The following KRT72 variants were observed in gnomAD, a reference collection of about 807,000 sequenced individuals.
The protein encoded by KRT72 is keratin, type II cytoskeletal 72.
KRT72 carries 44 observed loss-of-function variants against 44.7 expected under a neutral mutation model. The ratio of observed to expected loss-of-function variants is 0.98; its 90% confidence interval spans 0.77 to 1.27. The LOEUF (loss-of-function observed/expected upper bound fraction) is 1.27, where lower values mean the gene tolerates loss of function less well. Among genes scored for constraint, KRT72 ranks in the 50% most tolerant of loss-of-function variants. KRT72 has a pLI of 0.00. For missense variants in KRT72, 736 were observed against 667.1 expected, an observed-to-expected ratio of 1.10 and a Z score of -1.14; for synonymous variants, 302 against 280.4, an observed-to-expected ratio of 1.08 and a Z score of -0.77.
At chr12:52,589,220 A>G (rs1939900948) in intron 6 of KRT72, among the ~76,000 whole-genome samples, 1 of 152,130 alleles carries the variant, frequency 6.6e-6, no homozygotes, top group Non-Finnish European at 1.5e-5. Flanking sequence ...CACCAAGGAA[A>G]GCAGCTGATC....
chr12:52,594,077 A>G (rs1346589306), intron 2 of KRT72, among the ~76,000 whole-genome samples: 3 of 152,194 alleles, frequency 2.0e-5, no homozygotes, highest in Non-Finnish European at 4.4e-5. Flanking sequence ...TGAAAAAAAG[A>G]ATTAAGGCTA....
intron 1 of KRT72, among the ~76,000 whole-genome samples, chr12:52,600,729 T>C (rs1189293866): frequency 1.6e-5 from 1 of 63,884 alleles, no homozygotes; most frequent in Non-Finnish European, 4.0e-5. Context: ...ATGAAACCTC[T>C]TTTTTTTTTT....
At chr12:52,593,074 G>T in intron 2 of KRT72, 122 bp from the exon 3 acceptor site, 3 of 767,784 alleles carry the variant, frequency 3.9e-6, no homozygotes, top group East Asian at 2.8e-5. Context: ...CATACCCCTG[G>T]GGCACACATA....
chr12:52,600,700 A>G (rs1940403589), intron 1 of KRT72, among the ~76,000 whole-genome samples: 2 of 150,570 alleles, frequency 1.3e-5, no homozygotes, highest in South Asian at 4.2e-4. Context: ...CTCCCCAGCC[A>G]TGGAGAACTG....
chr12:52,591,715 G>T, intron 4 of KRT72, 87 bp from the exon 5 acceptor site: 3 of 1,306,884 alleles, frequency 2.3e-6, no homozygotes, highest in African/African-American at 1.5e-5. Context: ...ATTCCTCACT[G>T]TCCCTCTGCC....
At position 52,592,433 on chromosome 12, in the gene KRT72, G is replaced by C. The variant is rs781191778; in HGVS notation, c.761C>G (p.Thr254Arg). The change falls in exon 4 of 9, where the codon ACA becomes AGA. Residue 254 changes from threonine to arginine, a missense_variant. By Grantham distance (71) the Thr-to-Arg change is moderately conservative. Transcript: ENST00000293745. The part of the protein sequence containing the change: ...VELQAKVDSL[T>R]DEIKFFKCLY... ...GCACTTGAAGAATTTAATCTCATCT[G>C]TCAAGGAGTCCACCTTGGCCTGGAG... The C allele has an allele frequency of 6.2e-7, 1 of 1,613,930 alleles. No homozygotes were observed. The highest frequency in any genetic ancestry group is 1.7e-5 in the Admixed American group (1 of 60,012).
chr12:52,585,767 C>A lies in KRT72; in HGVS notation c.*215G>T, dbSNP rs373611213. The A allele has an allele frequency of 1.1e-5, 6 of 537,816 alleles. No homozygotes were observed. The highest frequency in any genetic ancestry group is 2.0e-5 in the Non-Finnish European group (6 of 302,342). 33.3% of individuals were successfully genotyped at this position (537,816 alleles called of 1,614,324 possible). ...CTTTGCATTTCAGGCAATGACCCAA[C>A]GAAACGGGACCAAGAAGGAGGCCAC... On this transcript the variant is annotated 3_prime_UTR_variant, in exon 9 of 9. Coordinates refer to ENST00000293745, the MANE Select transcript of KRT72 (RefSeq NM_080747.3).
At position 52,587,170 on chromosome 12, in the gene KRT72, A is replaced by C. The variant is rs143531771; in HGVS notation, c.1311-190T>G. Among the ~76,000 whole-genome samples, 452 of 152,140 alleles carry C rather than the reference A, an allele frequency of 3.0e-3. 2 individuals are homozygous for C. The highest frequency in any genetic ancestry group is 0.011 in the African/African-American group (437 of 41,484). On this transcript the variant is annotated intron_variant, in intron 7 of 8. Coordinates refer to ENST00000293745, the MANE Select transcript of KRT72 (RefSeq NM_080747.3). ...GAAAACTGAGATGAAAATCTGCTGC[A>C]AGGAGTCAGCCCTCCATCAAGACCC...
intron 6 of KRT72, among the ~76,000 whole-genome samples, chr12:52,589,164 G>A (rs1428568104): frequency 6.6e-6 from 1 of 152,112 alleles, no homozygotes; most frequent in Non-Finnish European, 1.5e-5. Flanking sequence ...GGGAGCTGAG[G>A]TTTTCTTTCT....
chr12:52,598,577 G>A (rs1316722792), intron 2 of KRT72, among the ~76,000 whole-genome samples: 1 of 152,060 alleles, frequency 6.6e-6, no homozygotes, highest in African/African-American at 2.4e-5. Context: ...GGAATTGGTG[G>A]GGTGTCTTAC....
intron 7 of KRT72, among the ~76,000 whole-genome samples, 194 bp from the exon 8 acceptor site, chr12:52,587,174 A>G (rs1939795076): frequency 6.6e-6 from 1 of 151,938 alleles, no homozygotes; most frequent in Admixed American, 6.6e-5. Flanking sequence ...TGCTGCAAGG[A>G]GTCAGCCCTC....
Position 52,592,475 on chromosome 12 carries a change from T to C in KRT72, c.719A>G (p.Tyr240Cys), listed in dbSNP as rs761427108. Residue 240 changes from tyrosine (Y) to cysteine (C), a missense_variant, in exon 4 of 9, where the codon TAC becomes TGC. Physicochemically the swap from Tyr to Cys is radical, Grantham distance 194. Coordinates refer to ENST00000293745, the MANE Select transcript of KRT72 (RefSeq NM_080747.3). ...VVLKKDVDAA[Y>C]MNKVELQAKV... ...GGCCTGGAGCTCAACCTTATTCATG[T>C]AAGCAGCATCCACGTCCTGGGAGCA... 1.9e-6 allele frequency: 3 copies of C among 1,614,068 alleles called. No individual in the cohort carries two copies. In the Admixed American group the frequency reaches 5.0e-5, roughly 27 times the overall value.
At chr12:52,587,059 G>A (rs1939787355) in intron 7 of KRT72, 79 bp from the exon 8 acceptor site, 2 of 1,336,466 alleles carry the variant, frequency 1.5e-6, no homozygotes, top group Non-Finnish European at 1.1e-6. Flanking sequence ...CTGTGAATAA[G>A]CCTCTCCACG....
At chr12:52,599,923 T>TA (rs11446006) in intron 1 of KRT72, among the ~76,000 whole-genome samples, 120,641 of 151,536 alleles carry the variant, frequency 0.8, 48,849 homozygotes, top group African/African-American at 0.95. Flanking sequence ...GGGTTGTGAT[T>TA]GTAAATGAGA....
chr12:52,596,417 A>AT (rs200796522), intron 2 of KRT72, among the ~76,000 whole-genome samples: 836 of 152,162 alleles, frequency 5.5e-3, no homozygotes, highest in Non-Finnish European at 9.0e-3. Context: ...AGTATTTTCA[A>AT]TTTTTTTTCA....
intron 4 of KRT72, among the ~76,000 whole-genome samples, 172 bp downstream of exon 4, chr12:52,592,224 C>T (rs1212504936): frequency 6.6e-6 from 1 of 152,168 alleles, no homozygotes; most frequent in Non-Finnish European, 1.5e-5. Flanking sequence ...TCACGGACTC[C>T]TCAAAACCTA....
At position 52,585,897 on chromosome 12, in the gene KRT72, G is replaced by T; in HGVS notation, c.*85C>A. 8.0e-7 allele frequency: 1 copy of T among 1,251,364 alleles called. No individual in the cohort carries two copies. Among genetic ancestry groups the T allele is most frequent in the Non-Finnish European group, 1.1e-6 (1 of 879,760 alleles). The allele number at this position is 1,251,364 out of a possible 1,614,324, so 77.5% of individuals were successfully genotyped here. ...TGTAGTGACAGACAAAGCATTTCTT[G>T]ACTTGGAAAGGGAGCCCAGGGAAGG... On this transcript the variant is annotated 3_prime_UTR_variant, in exon 9 of 9. Coordinates refer to ENST00000293745, the MANE Select transcript of KRT72 (RefSeq NM_080747.3).
At chr12:52,601,605 T>G, upstream of KRT72, 15 of 694,654 alleles carry the variant, frequency 2.2e-5, no homozygotes, top group Non-Finnish European at 3.1e-5. Context: ...TTGAGGCCTC[T>G]TGGGTTCTTC....
intron 6 of KRT72, among the ~76,000 whole-genome samples, 195 bp downstream of exon 6, chr12:52,590,641 C>A (rs1384814590): frequency 6.6e-6 from 1 of 152,214 alleles, no homozygotes; most frequent in African/African-American, 2.4e-5. Flanking sequence ...CACCTCTCAC[C>A]CCTCTGGGCT....
Sources: gnomAD v4.1 joint callset for allele counts (sites outside exome capture counted in the v4.1 genomes callset) on GRCh38, gnomAD v4.1.1 for gene constraint, MANE v1.5 for transcripts, NCBI Gene and HGNC (gene_info 2026-07-23, HGNC 2026-07-21) for gene names.